Variants in LUC7L observed in about 807,000 individuals in gnomAD.
LUC7L encodes the protein LUC7 like, also known as putative RNA-binding protein Luc7-like 1.
Under a neutral mutation model 51.1 loss-of-function variants are expected in LUC7L, and 29 were observed. The observed-to-expected ratio is 0.57, with a 90% CI of 0.42 to 0.77. The LOEUF is 0.77. Among genes scored for constraint, LUC7L ranks in the 30% least tolerant of loss-of-function variants. The pLI is 0.00. For missense variants in LUC7L, 403 were observed against 511.9 expected (o/e 0.79, Z 2.05); for synonymous variants, 181 against 180.7 (o/e 1.00, Z -0.01).
chr16:200,562 G>A (rs1596617146), intron 5 of LUC7L, among the ~76,000 whole-genome samples: 1 of 151,336 alleles, frequency 6.6e-6, no homozygotes, highest in East Asian at 1.9e-4. Flanking sequence ...GAGGACAGAG[G>A]AAAACTCCAA....
intron 1 of LUC7L, chr16:228,337 C>G: frequency 7.7e-7 from 1 of 1,304,056 alleles, no homozygotes; most frequent in Non-Finnish European, 1.0e-6. Flanking sequence ...ACTCACGGCT[C>G]GATGAACATG....
intron 3 of LUC7L, among the ~76,000 whole-genome samples, chr16:212,841 G>A (rs915052517): frequency 6.0e-5 from 9 of 150,974 alleles, no homozygotes; most frequent in Admixed American, 4.0e-4. Flanking sequence ...ACAGTGGCAC[G>A]ATCACGGCTC....
At chr16:229,044 G>A in intron 1 of LUC7L, 1 of 1,422,052 alleles carries the variant, frequency 7.0e-7, no homozygotes, top group Non-Finnish European at 9.2e-7. Flanking sequence ...GAAGGAGGCT[G>A]AAGCCCCATC....
chr16:199,105 T>C lies in LUC7L; in HGVS notation c.644A>G (p.His215Arg). The change falls in exon 6 of 10, where the codon CAC becomes CGC. Residue 215 changes from histidine to arginine, a missense_variant. His to Arg is a conservative substitution (Grantham distance 29, BLOSUM62 0). Transcript: ENST00000293872. ...RLADHFGGKL[H>R]LGFIQIREKL... is the part of the protein sequence containing the mutation. ...CTCTCGGATCTGAATGAACCCCAAG[T>C]GTAACTTGCCACCGAAGTGGTCTGC... 6.2e-7 allele frequency: 1 copy of C among 1,613,490 alleles called. No individual in the cohort carries two copies.
At chr16:190,449 G>T in intron 8 of LUC7L, 92 bp downstream of exon 8, 2 of 1,350,516 alleles carry the variant, frequency 1.5e-6, no homozygotes, top group Non-Finnish European at 2.1e-6. Flanking sequence ...TACCTGCCAG[G>T]TAACATTTGT....
intron 2 of LUC7L, among the ~76,000 whole-genome samples, chr16:224,914 A>AGG (rs2050087344): frequency 3.9e-5 from 6 of 152,038 alleles, no homozygotes; most frequent in Non-Finnish European, 7.4e-5. Flanking sequence ...GCTTAAGCAC[A>AGG]CTGAGGATAG....
intron 6 of LUC7L, among the ~76,000 whole-genome samples, chr16:197,661 T>C (rs2049190078): frequency 6.6e-6 from 1 of 152,196 alleles, no homozygotes; most frequent in South Asian, 2.1e-4. Flanking sequence ...CCAGCTCCCA[T>C]CACAGTCCCA....
rs560622577 is a variant in LUC7L at position 228,484 on chromosome 16, T to C, written c.61+795A>G. On this transcript the variant is annotated intron_variant, in intron 1 of 9. Coordinates refer to ENST00000293872, the MANE Select transcript of LUC7L (RefSeq NM_201412.3). Reference sequence around the variant, plus strand: ...GGGAAGCAATTCAAAAGCAACTCAATATACAAAGAAAGCTAAAAAGCACTT... The same window carrying C: ...GGGAAGCAATTCAAAAGCAACTCAACATACAAAGAAAGCTAAAAAGCACTT... 355 of 1,244,304 alleles carry C rather than the reference T, an allele frequency of 2.9e-4. 1 individual carries two copies. Among genetic ancestry groups the C allele is most frequent in the Middle Eastern group, 1.4e-3 (6 of 4,416 alleles). 77.1% of individuals were successfully genotyped at this position (1,244,304 alleles called of 1,614,324 possible).
chr16:228,189 A>G (rs2050176784), intron 1 of LUC7L: 1 of 1,266,752 alleles, frequency 7.9e-7, no homozygotes, highest in Non-Finnish European at 1.0e-6. Flanking sequence ...GGAGGAATAT[A>G]TTTTAGGATT....
Position 189,980 on chromosome 16 carries a change from C to G in LUC7L, c.962G>C (p.Ser321Thr). Residue 321 changes from serine to threonine, a missense_variant, in exon 9 of 10, where the codon AGT becomes ACT. Around this residue, in one of 3 missense-constraint regions of LUC7L, gnomAD observed 206 missense variants for 218.3 expected, o/e 0.94. Transcript: ENST00000293872. ...RGHRRASRDR[S>T]AKYKFSRERA... Reference sequence around the variant, plus strand: ...TCAGAGTAGTTACTTGTATTTCGCACTTCGGTCCCGGGAAGCCCGACGATG... The same window carrying G: ...TCAGAGTAGTTACTTGTATTTCGCAGTTCGGTCCCGGGAAGCCCGACGATG... 6.2e-7 allele frequency: 1 copy of G among 1,612,538 alleles called. No homozygotes were observed. Among genetic ancestry groups the G allele is most frequent in the East Asian group, 2.2e-5 (1 of 44,848 alleles).
At chr16:192,874 C>G in intron 7 of LUC7L, 53 bp downstream of exon 7, 1 of 1,453,766 alleles carries the variant, frequency 6.9e-7, no homozygotes, top group Non-Finnish European at 9.6e-7. Context: ...ATGGACCGAG[C>G]AGGGAATGCC....
chr16:214,066 T>A (rs563569633), intron 3 of LUC7L, among the ~76,000 whole-genome samples: 3 of 151,480 alleles, frequency 2.0e-5, no homozygotes, highest in African/African-American at 7.3e-5. Context: ...TGTGTTCTCA[T>A]GAGCAATTGT....
chr16:222,481 A>AT (rs2050000638), intron 2 of LUC7L, among the ~76,000 whole-genome samples: 1 of 151,964 alleles, frequency 6.6e-6, no homozygotes, highest in Non-Finnish European at 1.5e-5. Flanking sequence ...CTATGAAAAA[A>AT]TTAACAATTA....
At chr16:228,177 G>A (rs1019806658) in intron 1 of LUC7L, 2 of 1,253,328 alleles carry the variant, frequency 1.6e-6, no homozygotes, top group Admixed American at 5.4e-5. Flanking sequence ...TGCAACGCTA[G>A]AGGAGGAATA....
chr16:196,155 C>A (rs986131711), intron 6 of LUC7L, among the ~76,000 whole-genome samples: 38 of 152,094 alleles, frequency 2.5e-4, no homozygotes, highest in African/African-American at 8.7e-4. Flanking sequence ...CGCCTGTAAT[C>A]CCAGCACTTT....
At chr16:192,877 G>C in intron 7 of LUC7L, 50 bp downstream of exon 7, 1 of 1,473,816 alleles carries the variant, frequency 6.8e-7, no homozygotes, top group Non-Finnish European at 9.4e-7. Flanking sequence ...GACCGAGCAG[G>C]GAATGCCCGA....
Position 199,215 on chromosome 16 carries a change from A to G in LUC7L, c.534T>C (p.Pro178=), listed in dbSNP as rs1318630442. ...GCTTTTGCTGCTGAAAACTGGATGC[A>G]GGCATGGAATTTCTGTATTCTTCCT... The part of the protein sequence containing the change: ...EAEEEYRNSM[P]ASSFQQQKLR... Residue 178 remains proline, a synonymous_variant, in exon 6 of 10, where the codon CCT becomes CCC. Transcript: ENST00000293872. The G allele has an allele frequency of 6.2e-7, 1 of 1,601,182 alleles. No individual in the cohort carries two copies. The highest frequency in any genetic ancestry group is 8.5e-7 in the Non-Finnish European group (1 of 1,169,616).
chr16:226,506 T>A (rs1175131899), intron 2 of LUC7L, among the ~76,000 whole-genome samples: 3 of 152,240 alleles, frequency 2.0e-5, no homozygotes, highest in Admixed American at 6.5e-5. Flanking sequence ...CTTAAAATTG[T>A]AGGGTTCTAT....
chr16:207,005 C>T (rs998665973), intron 4 of LUC7L, among the ~76,000 whole-genome samples: 3 of 151,578 alleles, frequency 2.0e-5, no homozygotes, highest in Non-Finnish European at 2.9e-5. Context: ...CGAGACCATC[C>T]TGGCTAACAC....
Sources: allele counts gnomAD v4.1 joint callset (sites outside exome capture counted in the v4.1 genomes callset), GRCh38; gene constraint gnomAD v4.1.1; regional missense constraint gnomAD v4.1.1; transcripts MANE v1.5; gene names NCBI Gene and HGNC (gene_info 2026-07-23, HGNC 2026-07-21).